Variants in C8orf34 observed in about 807,000 individuals in gnomAD.
The protein encoded by C8orf34 is chromosome 8 open reading frame 34.
In C8orf34, 65 loss-of-function variants were observed where a neutral mutation model predicts 68.3. That is an observed-to-expected ratio of 0.95 (90% confidence interval 0.78 to 1.17). The LOEUF (loss-of-function observed/expected upper bound fraction) is 1.17. C8orf34 is among the 50% of genes most tolerant of loss of function. C8orf34 has a pLI of 0.00. For missense variants in C8orf34, 664 were observed against 655.4 expected (o/e 1.01, Z -0.14); for synonymous variants, 244 against 241.2 (o/e 1.01, Z -0.11).
intron 6 of C8orf34, among the ~76,000 whole-genome samples, chr8:68,531,631 A>G (rs1380547610): frequency 6.6e-6 from 1 of 152,158 alleles, no homozygotes; most frequent in Non-Finnish European, 1.5e-5. Context: ...GGTGATGTCC[A>G]CCAGATTTTT....
At chr8:68,770,991 G>A (rs1489338656) in intron 10 of C8orf34, among the ~76,000 whole-genome samples, 1 of 152,044 alleles carries the variant, frequency 6.6e-6, no homozygotes, top group Non-Finnish European at 1.5e-5. Context: ...CCAGTAAAAG[G>A]GGTCATTTCC....
At chr8:68,645,527 T>C (rs573375262) in intron 8 of C8orf34, among the ~76,000 whole-genome samples, 1 of 152,296 alleles carries the variant, frequency 6.6e-6, no homozygotes, top group East Asian at 1.9e-4. Context: ...CTGTGTTCAG[T>C]GAAACGTGTG....
intron 8 of C8orf34, among the ~76,000 whole-genome samples, chr8:68,671,013 A>G (rs1282124734): frequency 6.6e-6 from 1 of 152,180 alleles, no homozygotes; most frequent in East Asian, 1.9e-4. Context: ...AGCACAACTT[A>G]ATGTGAATAT....
intron 5 of C8orf34, among the ~76,000 whole-genome samples, chr8:68,519,595 T>C (rs1189241622): frequency 6.6e-6 from 1 of 152,196 alleles, no homozygotes; most frequent in Admixed American, 6.5e-5. Flanking sequence ...CCTTGGCTTA[T>C]ATTTTATATG....
chr8:68,793,829 T>TA (rs1375749038), intron 12 of C8orf34, among the ~76,000 whole-genome samples: 3 of 151,942 alleles, frequency 2.0e-5, no homozygotes, highest in African/African-American at 4.8e-5. Flanking sequence ...AGTTGAAGAT[T>TA]AAAAAAATTA....
intron 5 of C8orf34, among the ~76,000 whole-genome samples, chr8:68,500,340 T>C (rs1170845816): frequency 6.6e-6 from 1 of 152,090 alleles, no homozygotes; most frequent in African/African-American, 2.4e-5. Flanking sequence ...AACATGAAGG[T>C]CATAGATCAA....
chr8:68,678,618 A>C (rs1476126400), intron 8 of C8orf34, among the ~76,000 whole-genome samples: 1 of 152,208 alleles, frequency 6.6e-6, no homozygotes. Flanking sequence ...CATATTTGAC[A>C]GACCCACAGC....
At chr8:68,721,289 C>T (rs1821667406) in intron 9 of C8orf34, 72 bp from the exon 10 acceptor site, 1 of 953,782 alleles carries the variant, frequency 1.0e-6, no homozygotes, top group Non-Finnish European at 1.6e-6. Flanking sequence ...CTTCTCACAA[C>T]AGGTTTATAT....
At chr8:68,423,688 G>A (rs908643560) in intron 1 of C8orf34, among the ~76,000 whole-genome samples, 3 of 151,972 alleles carry the variant, frequency 2.0e-5, no homozygotes, top group Non-Finnish European at 4.4e-5. Flanking sequence ...CACTATCTCG[G>A]TATGAATTTA....
chr8:68,643,150 G>A (rs920833415), intron 8 of C8orf34, among the ~76,000 whole-genome samples: 2 of 152,186 alleles, frequency 1.3e-5, no homozygotes, highest in African/African-American at 4.8e-5. Flanking sequence ...CTTTAAATAT[G>A]AGAGACACAT....
At chr8:68,745,058 G>A (rs2129527392) in intron 10 of C8orf34, among the ~76,000 whole-genome samples, 1 of 152,282 alleles carries the variant, frequency 6.6e-6, no homozygotes, top group South Asian at 2.1e-4. Flanking sequence ...CTACAAGCCA[G>A]AAGAGAGTGG....
At chr8:68,808,502 G>A (rs1466663522) in intron 12 of C8orf34, among the ~76,000 whole-genome samples, 2 of 151,570 alleles carry the variant, frequency 1.3e-5, no homozygotes, top group African/African-American at 4.8e-5. Context: ...TCAGCCTGCT[G>A]TATCTACTGG....
At chr8:68,639,654 CT>C (rs1251664518) in intron 7 of C8orf34, among the ~76,000 whole-genome samples, 1 of 152,128 alleles carries the variant, frequency 6.6e-6, no homozygotes, top group Admixed American at 6.6e-5. Flanking sequence ...TTTTTACAAG[CT>C]TCCTTGTTCT....
intron 7 of C8orf34, among the ~76,000 whole-genome samples, chr8:68,537,277 G>A (rs149114228): frequency 2.4e-3 from 360 of 152,104 alleles, no homozygotes; most frequent in African/African-American, 7.7e-3. Context: ...TTTTAATAAA[G>A]TATGTAAAAT....
intron 10 of C8orf34, among the ~76,000 whole-genome samples, chr8:68,761,164 A>C (rs781278648): frequency 1.3e-4 from 20 of 152,196 alleles, no homozygotes; most frequent in Non-Finnish European, 2.1e-4. Flanking sequence ...CAAGGTTATA[A>C]TTATGAGAAA....
chr8:68,757,200 A>G (rs1005759919), intron 10 of C8orf34, among the ~76,000 whole-genome samples: 2 of 152,154 alleles, frequency 1.3e-5, no homozygotes, highest in Non-Finnish European at 2.9e-5. Context: ...TTCAAAATGA[A>G]GATTAAACCA....
At chr8:68,347,735 T>C (rs1343767112) in intron 1 of C8orf34, among the ~76,000 whole-genome samples, 1 of 152,072 alleles carries the variant, frequency 6.6e-6, no homozygotes, top group Non-Finnish European at 1.5e-5. Context: ...TTTTTTTTCA[T>C]ACATGTGTTG....
intron 1 of C8orf34, among the ~76,000 whole-genome samples, chr8:68,367,878 A>T (rs1217508462): frequency 8.3e-6 from 1 of 120,544 alleles, no homozygotes; most frequent in African/African-American, 3.0e-5. Flanking sequence ...GTGCACATGT[A>T]CCCTAAAACC....
chr8:68,465,012 C>A (rs1194624152), intron 3 of C8orf34, among the ~76,000 whole-genome samples: 2 of 150,436 alleles, frequency 1.3e-5, no homozygotes, highest in African/African-American at 4.9e-5. Context: ...AGTGAACAGG[C>A]AACCTACAAA....
Sources: gnomAD v4.1 joint callset for allele counts (sites outside exome capture counted in the v4.1 genomes callset) on GRCh38, gnomAD v4.1.1 for gene constraint, MANE v1.5 for transcripts, NCBI Gene and HGNC (gene_info 2026-07-23, HGNC 2026-07-21) for gene names.